Variants in AKAP12 observed in about 807,000 individuals in gnomAD.
AKAP12 encodes the protein A-kinase anchoring protein 12.
AKAP12 carries 32 observed loss-of-function variants against 79.9 expected under a neutral mutation model. The ratio of observed to expected loss-of-function variants is 0.40; its 90% CI spans 0.30 to 0.54. The LOEUF (loss-of-function observed/expected upper bound fraction) is 0.54, where lower values mean the gene tolerates loss of function less well. AKAP12 is among the 20% of genes least tolerant of loss of function. The pLI, the probability that AKAP12 is intolerant of heterozygous loss-of-function variation, is 0.48. For missense variants in AKAP12, 2,074 were observed against 2,177.0 expected (o/e 0.95, Z 0.94); for synonymous variants, 808 against 857.0 (o/e 0.94, Z 1.00).
chr6:151,243,966 C>T (rs1473804791), intron 2 of AKAP12, among the ~76,000 whole-genome samples: 3 of 152,114 alleles, frequency 2.0e-5, no homozygotes, highest in Non-Finnish European at 4.4e-5. Context: ...ATTTCTGGAG[C>T]CAGGCTCCAG....
At chr6:151,264,889 C>T (rs572005631) in intron 2 of AKAP12, among the ~76,000 whole-genome samples, 92 of 152,128 alleles carry the variant, frequency 6.0e-4, no homozygotes, top group African/African-American at 2.0e-3. Flanking sequence ...CAGTGGCTCT[C>T]GCTTGTAATC....
intron 3 of AKAP12, among the ~76,000 whole-genome samples, chr6:151,328,305 G>A (rs1777582951): frequency 7.1e-6 from 1 of 140,164 alleles, no homozygotes; most frequent in East Asian, 2.0e-4. Context: ...TCCAGCCTGG[G>A]CGACAGAGCG....
In AKAP12 at chr6:151,263,096, T is replaced by C. The variant is rs191613127; in HGVS notation, c.162+22372T>C. ...TCTTGCCCAGGCTGGAGTGCAGTAG[T>C]GCAATCCTAGCTTACTGCAGCCTCA... On this transcript the variant is annotated intron_variant, in intron 2 of 4. Coordinates refer to ENST00000402676, the MANE Select transcript of AKAP12 (RefSeq NM_005100.4). Among the ~76,000 whole-genome samples the C allele has an allele frequency of 1.4e-3, 208 of 151,988 alleles. 1 individual carries two copies. Among genetic ancestry groups the C allele is most frequent in the African/African-American group, 4.5e-3 (187 of 41,468 alleles).
intron 2 of AKAP12, among the ~76,000 whole-genome samples, chr6:151,283,896 G>T (rs1433853658): frequency 6.6e-6 from 1 of 152,172 alleles, no homozygotes; most frequent in East Asian, 1.9e-4. Flanking sequence ...TGTCCACAGG[G>T]CCTTCCCTGG....
At chr6:151,307,348 G>A (rs935161030) in intron 3 of AKAP12, among the ~76,000 whole-genome samples, 2 of 152,160 alleles carry the variant, frequency 1.3e-5, no homozygotes, top group Non-Finnish European at 1.5e-5. Context: ...GGGCAGGTTC[G>A]GAGGCTGGTG....
intron 3 of AKAP12, among the ~76,000 whole-genome samples, chr6:151,330,999 A>G (rs1438684390): frequency 1.3e-5 from 2 of 152,204 alleles, no homozygotes; most frequent in Non-Finnish European, 2.9e-5. Context: ...ATTTGCACAT[A>G]CACGTTATAG....
intron 2 of AKAP12, 62 bp downstream of exon 2, chr6:151,240,786 TG>T (rs5880922): frequency 0.63 from 152,500 of 240,510 alleles, 40,128 homozygotes; most frequent in Admixed American, 0.74. Context: ...GGGGTGGGGG[TG>T]GGGGGGTCCC....
chr6:151,275,744 C>T (rs1018092810), intron 2 of AKAP12, among the ~76,000 whole-genome samples: 1 of 152,222 alleles, frequency 6.6e-6, no homozygotes, highest in Non-Finnish European at 1.5e-5. Context: ...GTCAGCAGGA[C>T]CACCTGCGTA....
At chr6:151,299,747 C>T (rs996468160) in intron 2 of AKAP12, among the ~76,000 whole-genome samples, 3 of 113,022 alleles carry the variant, frequency 2.7e-5, no homozygotes, top group African/African-American at 8.5e-5. Context: ...TACTGATAGA[C>T]ATTTAAGGGT....
chr6:151,260,972 G>A (rs771858107), intron 2 of AKAP12, among the ~76,000 whole-genome samples: 2 of 151,772 alleles, frequency 1.3e-5, no homozygotes, highest in Non-Finnish European at 2.9e-5. Flanking sequence ...GGAGCCCTGT[G>A]ACTCAGGACC....
At chr6:151,303,781 G>A (rs958003100) in intron 2 of AKAP12, among the ~76,000 whole-genome samples, 8 of 152,126 alleles carry the variant, frequency 5.3e-5, no homozygotes, top group East Asian at 1.9e-4. Context: ...AGCATGGCAC[G>A]TATCTTTGTA....
chr6:151,345,928 T>TGAGAGAGAGAGAGAGAGA (rs1235285184), intron 3 of AKAP12, among the ~76,000 whole-genome samples: 1 of 110,804 alleles, frequency 9.0e-6, no homozygotes, highest in African/African-American at 3.2e-5. Context: ...TGTGTGTGTG[T>TGAGAGAGAGAGAGAGAGA]GTGTGAGAGA....
intron 2 of AKAP12, among the ~76,000 whole-genome samples, chr6:151,250,612 CT>C (rs1369064995): frequency 4.0e-5 from 6 of 149,122 alleles, no homozygotes; most frequent in Admixed American, 6.6e-5. Context: ...AGATATTTTC[CT>C]TTTTTTTTTT....
intron 3 of AKAP12, among the ~76,000 whole-genome samples, chr6:151,336,037 A>G (rs1777805435): frequency 6.6e-6 from 1 of 151,986 alleles, no homozygotes; most frequent in Non-Finnish European, 1.5e-5. Context: ...TCTGTTTCTG[A>G]GTTATTTTAC....
intron 2 of AKAP12, among the ~76,000 whole-genome samples, chr6:151,246,130 T>G (rs1293179378): frequency 2.6e-5 from 4 of 152,176 alleles, no homozygotes; most frequent in African/African-American, 9.6e-5. Flanking sequence ...ATTTAAAAAT[T>G]TAACCCGGCA....
At chr6:151,270,974 A>T (rs767324431) in intron 2 of AKAP12, among the ~76,000 whole-genome samples, 30 of 152,236 alleles carry the variant, frequency 2.0e-4, no homozygotes, top group Non-Finnish European at 4.3e-4. Context: ...TTAGAGTTCT[A>T]ATTTAGTATT....
intron 3 of AKAP12, among the ~76,000 whole-genome samples, chr6:151,313,716 CT>C (rs1245114074): frequency 1.3e-5 from 2 of 152,104 alleles, no homozygotes; most frequent in Non-Finnish European, 2.9e-5. Context: ...TCTGTTCACC[CT>C]TTCTCCCCTT....
At chr6:151,311,474 G>A (rs1582873234) in intron 3 of AKAP12, among the ~76,000 whole-genome samples, 1 of 152,290 alleles carries the variant, frequency 6.6e-6, no homozygotes, top group East Asian at 1.9e-4. Flanking sequence ...CCCGGTGTGT[G>A]CACGTGGACC....
chr6:151,309,118 G>A (rs548083256), intron 3 of AKAP12, among the ~76,000 whole-genome samples: 4 of 152,058 alleles, frequency 2.6e-5, no homozygotes, highest in East Asian at 3.9e-4. Context: ...CAGGTGATCC[G>A]CCTGCCTCGG....
Sources: allele counts gnomAD v4.1 joint callset (sites outside exome capture counted in the v4.1 genomes callset), GRCh38; gene constraint gnomAD v4.1.1; transcripts MANE v1.5; gene names NCBI Gene and HGNC (gene_info 2026-07-23, HGNC 2026-07-21).